The following TRPM6 variants were observed in gnomAD, a reference collection of about 807,000 sequenced individuals.
The protein encoded by TRPM6 is channel kinase 2.
Under a neutral mutation model 247.6 loss-of-function variants are expected in TRPM6, and 111 were observed. The observed-to-expected ratio is 0.45, with a 90% CI of 0.38 to 0.52. TRPM6 has a LOEUF of 0.52. Ranked by LOEUF, TRPM6 falls within the 20% of genes least tolerant of loss-of-function variation. The probability of loss-of-function intolerance (pLI) is 0.00; values close to 1 mark genes in which losing one functional copy is unlikely to be tolerated. For synonymous variants in TRPM6, 892 were observed against 853.8 expected (o/e 1.04, Z -0.78); for missense variants, 2,126 against 2,421.5 (o/e 0.88, Z 2.56).
intron 3 of TRPM6, among the ~76,000 whole-genome samples, chr9:74,842,747 C>T (rs1829984572): frequency 6.6e-6 from 1 of 152,178 alleles, no homozygotes; most frequent in Non-Finnish European, 1.5e-5. Context: ...AAACAACGTA[C>T]ATAACTTAAT....
chr9:74,742,450 T>C (rs1825896137), intron 33 of TRPM6, 111 bp downstream of exon 33: 2 of 1,038,564 alleles, frequency 1.9e-6, no homozygotes, highest in African/African-American at 1.6e-5. Flanking sequence ...ACTACAACTA[T>C]CAACAAAACA....
Position 74,792,739 on chromosome 9 carries a change from T to C in TRPM6, c.2423A>G (p.Glu808Gly). 1 of 1,613,990 alleles carries C rather than the reference T, an allele frequency of 6.2e-7. No homozygotes were observed. Among genetic ancestry groups the C allele is most frequent in the South Asian group, 1.1e-5 (1 of 91,076 alleles). Residue 808 changes from glutamate (E) to glycine (G), a missense_variant, in exon 19 of 39, where the codon GAG becomes GGG. Physicochemically the swap from Glu to Gly is moderately conservative, Grantham distance 98. This residue lies in a region of TRPM6 where 1,082 missense variants were observed against 1,307.9 expected (regional missense o/e 0.83). Transcript: ENST00000360774. ...AAAATGCTGATTTTCATCCAGTTTC[T>C]CATCATGGCCCCTTTCCAAATCATA... ...KEYDLERGHDEKLDENQHFGL... is the reference protein window; with the variant it reads ...KEYDLERGHDGKLDENQHFGL...
chr9:74,837,561 C>T lies in TRPM6; in HGVS notation c.544+2463G>A, dbSNP rs527913489. Among the ~76,000 whole-genome samples the T allele has an allele frequency of 6.6e-5, 10 of 152,160 alleles. No individual in the cohort carries two copies. The East Asian group carries it at 1.5e-3, about 24-fold the overall frequency. The stretch of plus-strand genomic sequence containing the variant: ...TCCTGGGTTCATGCCATTCTCCTGC[C>T]TCAGCCTCCCAAGTAGCTGGGACTA... On this transcript the variant is annotated intron_variant, in intron 5 of 38. Transcript: ENST00000360774.
At chr9:74,834,168 G>A in intron 5 of TRPM6, 46 bp from the exon 6 acceptor site, 1 of 1,611,612 alleles carries the variant, frequency 6.2e-7, no homozygotes, top group Non-Finnish European at 8.5e-7. Flanking sequence ...CACAAATCGT[G>A]CAAAACAAAG....
intron 3 of TRPM6, among the ~76,000 whole-genome samples, chr9:74,848,643 C>T (rs1830182673): frequency 1.3e-5 from 2 of 152,142 alleles, no homozygotes; most frequent in African/African-American, 4.8e-5. Flanking sequence ...CCACAGTTTT[C>T]CTCAACTGCC....
In TRPM6 at chr9:74,763,116, G is replaced by A; in HGVS notation, c.3555C>T (p.Phe1185=). Residue 1185 remains phenylalanine (F), a synonymous_variant, in exon 26 of 39, where the codon TTC becomes TTT. Transcript: ENST00000360774. ...CCTTTTCATTCATTTCTTTCAGCTG[G>A]AAGTACATCTCTGTAACCCTAGTGG... The part of the protein sequence containing the change: ...VTSERVTEMY[F]QLKEMNEKVS... The A allele has an allele frequency of 6.2e-7, 1 of 1,611,694 alleles. No homozygotes were observed. Among genetic ancestry groups the A allele is most frequent in the Non-Finnish European group, 8.5e-7 (1 of 1,179,990 alleles).
chr9:74,745,446 A>AGTGT (rs759532835), intron 31 of TRPM6, among the ~76,000 whole-genome samples: 1 of 150,592 alleles, frequency 6.6e-6, no homozygotes, highest in South Asian at 2.1e-4. Context: ...CATATAGTAT[A>AGTGT]GTGTGTGTGT....
chr9:74,784,714 C>G (rs1297954128), intron 21 of TRPM6, among the ~76,000 whole-genome samples: 1 of 152,204 alleles, frequency 6.6e-6, no homozygotes, highest in Admixed American at 6.5e-5. Context: ...AGTGTCCCAA[C>G]AAACTAACTA....
At chr9:74,823,032 C>T (rs575927790) in intron 7 of TRPM6, among the ~76,000 whole-genome samples, 5 of 152,252 alleles carry the variant, frequency 3.3e-5, no homozygotes, top group Non-Finnish European at 7.4e-5. Context: ...TTCTTATTTG[C>T]TTTATGTTTT....
chr9:74,785,898 T>C lies in TRPM6; in HGVS notation c.2895A>G (p.Pro965=), dbSNP rs745758503. The C allele has an allele frequency of 1.5e-5, 24 of 1,614,102 alleles. No individual in the cohort carries two copies. The highest frequency in any genetic ancestry group is 4.0e-5 in the African/African-American group (3 of 74,930). The change falls in exon 21 of 39, where the codon CCA becomes CCG. Residue 965 remains proline, a synonymous_variant. Coordinates refer to ENST00000360774, the MANE Select transcript of TRPM6 (RefSeq NM_017662.5). Reference sequence around the variant, plus strand: ...CCATTTTTGCAATCATGGTCACATATGGACCTGCATGTTGATTCACAGCAA... The same window carrying C: ...CCATTTTTGCAATCATGGTCACATACGGACCTGCATGTTGATTCACAGCAA... ...DFFAVNQHAG[P]YVTMIAKMTA... is the part of the protein sequence containing the mutation.
chr9:74,858,158 G>A (rs2118359219), intron 2 of TRPM6, among the ~76,000 whole-genome samples: 1 of 152,346 alleles, frequency 6.6e-6, no homozygotes, highest in East Asian at 1.9e-4. Flanking sequence ...GGAGGCCGAG[G>A]TGGGTGGATC....
intron 6 of TRPM6, among the ~76,000 whole-genome samples, chr9:74,832,863 C>A (rs900210149): frequency 2.6e-5 from 4 of 152,090 alleles, no homozygotes; most frequent in African/African-American, 9.7e-5. Context: ...CCAGCCTAGC[C>A]AACATGGTGA....
At position 74,801,881 on chromosome 9, in the gene TRPM6, G is replaced by A. The variant is rs772281346; in HGVS notation, c.2009+17C>T. ...GAAGTGTTGATGTTTAGTATGAAGTGAAGAGAGAACACTTACTTTGAGTAA... is the reference window on the plus strand; with the variant it reads ...GAAGTGTTGATGTTTAGTATGAAGTAAAGAGAGAACACTTACTTTGAGTAA... On this transcript the variant is annotated intron_variant, in intron 16 of 38. Transcript: ENST00000360774. 3.1e-6 allele frequency: 5 copies of A among 1,613,656 alleles called. No individual in the cohort carries two copies. The highest frequency in any genetic ancestry group is 4.2e-6 in the Non-Finnish European group (5 of 1,179,836).
intron 6 of TRPM6, 85 bp downstream of exon 6, chr9:74,833,913 T>C (rs2118122575): frequency 6.4e-7 from 1 of 1,555,802 alleles, no homozygotes; most frequent in South Asian, 1.1e-5. Flanking sequence ...GTAATGTTCA[T>C]TCATTAGACA....
intron 7 of TRPM6, among the ~76,000 whole-genome samples, chr9:74,822,657 T>C (rs1467962960): frequency 6.6e-6 from 1 of 152,154 alleles, no homozygotes; most frequent in African/African-American, 2.4e-5. Flanking sequence ...GTTTGAATTT[T>C]TTATCATGAC....
At chr9:74,745,969 G>A (rs185345217) in intron 31 of TRPM6, among the ~76,000 whole-genome samples, 16 of 152,264 alleles carry the variant, frequency 1.1e-4, no homozygotes, top group Admixed American at 7.8e-4. Flanking sequence ...ATGGCCAGGC[G>A]CGGGGGCCCA....
intron 25 of TRPM6, among the ~76,000 whole-genome samples, chr9:74,770,260 T>C (rs190959076): frequency 8.6e-4 from 131 of 152,278 alleles, no homozygotes; most frequent in African/African-American, 3.0e-3. Flanking sequence ...GATTCACATC[T>C]CTCTACCTGA....
chr9:74,821,977 GT>G (rs1829145645), intron 7 of TRPM6, 140 bp from the exon 8 acceptor site: 1 of 1,028,264 alleles, frequency 9.7e-7, no homozygotes, highest in Non-Finnish European at 1.5e-6. Context: ...TTTTACCCTG[GT>G]TTGCTTAGAT....
intron 15 of TRPM6, 40 bp from the exon 16 acceptor site, chr9:74,802,215 AGATGTAT>A: frequency 1.3e-6 from 2 of 1,585,190 alleles, no homozygotes; most frequent in African/African-American, 1.3e-5. Flanking sequence ...TCAAATACTC[AGATGTAT>A]GATGTTTTAC....
Sources: gnomAD v4.1 joint callset for allele counts (sites outside exome capture counted in the v4.1 genomes callset) on GRCh38, gnomAD v4.1.1 for gene constraint, gnomAD v4.1.1 regional missense constraint, MANE v1.5 for transcripts, NCBI Gene and HGNC (gene_info 2026-07-23, HGNC 2026-07-21) for gene names.